The following RFX3 variants were observed in gnomAD, a reference collection of about 807,000 sequenced individuals.
The protein encoded by RFX3 is transcription factor RFX3.
Under a neutral mutation model 98.6 loss-of-function variants are expected in RFX3, and 14 were observed. The ratio of observed to expected loss-of-function variants is 0.14; its 90% CI spans 0.09 to 0.22. RFX3 has a LOEUF of 0.22. RFX3 is among the 10% of genes least tolerant of loss of function. The probability of loss-of-function intolerance (pLI) is 1.00; values close to 1 mark genes in which losing one functional copy is unlikely to be tolerated. For missense variants in RFX3, 639 were observed against 926.9 expected (o/e 0.69, Z 4.03); for synonymous variants, 383 against 328.4 (o/e 1.17, Z -1.80).
chr9:3,359,020 T>C (rs766681336), intron 2 of RFX3, among the ~76,000 whole-genome samples: 2 of 151,566 alleles, frequency 1.3e-5, no homozygotes, highest in Non-Finnish European at 2.9e-5. Context: ...GAGATTTGAG[T>C]AGGGACACAG....
intron 7 of RFX3, among the ~76,000 whole-genome samples, chr9:3,285,726 G>A (rs556767546): frequency 6.6e-6 from 1 of 150,834 alleles, no homozygotes; most frequent in African/African-American, 2.4e-5. Flanking sequence ...GTACTTCTTT[G>A]GTTCTTTCAC....
chr9:3,432,967 G>T (rs1261413674), intron 1 of RFX3, among the ~76,000 whole-genome samples: 1 of 152,060 alleles, frequency 6.6e-6, no homozygotes, highest in African/African-American at 2.4e-5. Context: ...ATATATAGGG[G>T]ATTAGTTCCA....
At position 3,514,055 on chromosome 9, in the gene RFX3, A is replaced by G. The variant is rs534490674; in HGVS notation, c.-9+11692T>C. 5.3e-5 allele frequency among the ~76,000 whole-genome samples: 8 copies of G among 152,322 alleles called. No individual in the cohort carries two copies. In the East Asian group the frequency reaches 9.6e-4, roughly 18 times the overall value. On this transcript the variant is annotated intron_variant, in intron 1 of 16. Coordinates refer to ENST00000617270, the MANE Select transcript of RFX3 (RefSeq NM_001282116.2). ...TTGTCTTTAACTACAATTTAATTCA[A>G]TTTCAGCATTCATGGCCTTTATTAA...
In RFX3 at chr9:3,354,419, A is replaced by G. The variant is rs528498090; in HGVS notation, c.118-7655T>C. On this transcript the variant is annotated intron_variant, in intron 2 of 16. Transcript: ENST00000617270. ...AAAAATGAATAAAGAACATTAAACC[A>G]AAGTGCATTATAATTAATATGCTAG... Among the ~76,000 whole-genome samples, 119 of 152,034 alleles carry G rather than the reference A, an allele frequency of 7.8e-4. 2 individuals carry two copies. Among genetic ancestry groups the G allele is most frequent in the East Asian group, 3.9e-4 (2 of 5,182 alleles).
chr9:3,523,426 T>G (rs78126971), intron 1 of RFX3, among the ~76,000 whole-genome samples: 1 of 152,138 alleles, frequency 6.6e-6, no homozygotes, highest in Non-Finnish European at 1.5e-5. Context: ...GCAGCTCTAA[T>G]AGCAATTTTA....
intron 1 of RFX3, among the ~76,000 whole-genome samples, chr9:3,515,957 A>C (rs986644892): frequency 6.6e-6 from 1 of 152,182 alleles, no homozygotes; most frequent in African/African-American, 2.4e-5. Context: ...TATATGACTT[A>C]TCCTGAATAA....
At position 3,271,768 on chromosome 9, in the gene RFX3, T is replaced by G. The variant is rs545254903; in HGVS notation, c.1087-650A>C. ...TGTGGCAGATGGAGTTAGGGCTGAA[T>G]TAGCTTTGTCTAAGGCAGCTGACCA... On this transcript the variant is annotated intron_variant, in intron 9 of 16. Transcript: ENST00000617270. Among the ~76,000 whole-genome samples the G allele has an allele frequency of 9.9e-5, 15 of 152,260 alleles. No individual in the cohort carries two copies. The East Asian group carries it at 2.9e-3, about 29-fold the overall frequency.
intron 16 of RFX3, among the ~76,000 whole-genome samples, chr9:3,227,031 T>C (rs1419545363): frequency 6.6e-6 from 1 of 152,210 alleles, no homozygotes; most frequent in Non-Finnish European, 1.5e-5. Context: ...TATGCCCATC[T>C]GGCTCTAACT....
At chr9:3,333,275 T>A (rs1832797865) in intron 3 of RFX3, among the ~76,000 whole-genome samples, 1 of 152,184 alleles carries the variant, frequency 6.6e-6, no homozygotes, top group Non-Finnish European at 1.5e-5. Context: ...TAATCCATTA[T>A]AAATTATACT....
intron 1 of RFX3, among the ~76,000 whole-genome samples, chr9:3,460,872 T>C (rs886503603): frequency 1.3e-5 from 2 of 151,908 alleles, no homozygotes; most frequent in Non-Finnish European, 2.9e-5. Context: ...CCTAACAACA[T>C]ATTATTTTTA....
chr9:3,359,562 C>T (rs993122548), intron 2 of RFX3, among the ~76,000 whole-genome samples: 2 of 152,026 alleles, frequency 1.3e-5, no homozygotes, highest in Admixed American at 6.6e-5. Flanking sequence ...TCCAGCCCAT[C>T]CCTAGCCCTG....
intron 15 of RFX3, among the ~76,000 whole-genome samples, chr9:3,238,543 A>C (rs141995299): frequency 6.6e-6 from 1 of 152,216 alleles, no homozygotes; most frequent in African/African-American, 2.4e-5. Flanking sequence ...AAAGAAGTCA[A>C]TGAAGAAATA....
At chr9:3,309,928 A>G (rs936297106) in intron 4 of RFX3, among the ~76,000 whole-genome samples, 1 of 152,188 alleles carries the variant, frequency 6.6e-6, no homozygotes, top group African/African-American at 2.4e-5. Context: ...CCAGACCTGG[A>G]AAGACTGAAG....
chr9:3,362,261 C>T (rs989208620), intron 2 of RFX3, among the ~76,000 whole-genome samples: 1 of 152,010 alleles, frequency 6.6e-6, no homozygotes, highest in Non-Finnish European at 1.5e-5. Flanking sequence ...GAATGGTAGC[C>T]CTTCCATGTC....
intron 1 of RFX3, among the ~76,000 whole-genome samples, chr9:3,495,342 C>T (rs1851029242): frequency 6.6e-6 from 1 of 152,004 alleles, no homozygotes. Flanking sequence ...AAGTGGTCAA[C>T]TGTACTGTAC....
At chr9:3,509,454 G>A (rs1817455176) in intron 1 of RFX3, among the ~76,000 whole-genome samples, 1 of 151,814 alleles carries the variant, frequency 6.6e-6, no homozygotes, top group South Asian at 2.1e-4. Context: ...CTAATACATT[G>A]ATTATGACAT....
intron 1 of RFX3, among the ~76,000 whole-genome samples, chr9:3,522,546 A>AGT (rs977900887): frequency 7.0e-6 from 1 of 142,266 alleles, no homozygotes; most frequent in Non-Finnish European, 1.5e-5. Context: ...GTTCTGGAAA[A>AGT]GTGTGTGTGC....
At chr9:3,363,533 A>G (rs547359507) in intron 2 of RFX3, among the ~76,000 whole-genome samples, 1 of 152,232 alleles carries the variant, frequency 6.6e-6, no homozygotes, top group East Asian at 1.9e-4. Context: ...CCAAAGCACT[A>G]TAGTCTAAAT....
intron 2 of RFX3, among the ~76,000 whole-genome samples, chr9:3,356,963 G>GCA (rs199897465): frequency 0.059 from 8,373 of 140,738 alleles, 356 homozygotes; most frequent in African/African-American, 0.13. Context: ...ATACACACAT[G>GCA]CACACACACG....
Sources: gnomAD v4.1 joint callset for allele counts (sites outside exome capture counted in the v4.1 genomes callset) on GRCh38, gnomAD v4.1.1 for gene constraint, MANE v1.5 for transcripts, NCBI Gene and HGNC (gene_info 2026-07-23, HGNC 2026-07-21) for gene names.